Variants in GPAT3 observed in about 807,000 individuals in gnomAD.
GPAT3 encodes the protein glycerol-3-phosphate acyltransferase 3.
Under a neutral mutation model 58.8 loss-of-function variants are expected in GPAT3, and 53 were observed. That is an observed-to-expected ratio of 0.90 (90% CI 0.72 to 1.13). GPAT3 has a LOEUF of 1.13. Among genes scored for constraint, GPAT3 ranks in the 50% most tolerant of loss-of-function variants. The pLI is 0.00. For missense variants in GPAT3, 511 were observed against 527.6 expected (o/e 0.97, Z 0.31); for synonymous variants, 197 against 187.4 (o/e 1.05, Z -0.42).
At chr4:83,544,742 G>C (rs1724443768) in intron 2 of GPAT3, 140 bp downstream of exon 2, 2 of 779,672 alleles carry the variant, frequency 2.6e-6, no homozygotes, top group South Asian at 1.7e-5. Context: ...GTGTAAAATT[G>C]CAGCTGCCAG....
rs541107215 is a variant in GPAT3, at chr4:83,569,200, C to G, written c.209-12362C>G. 1.2e-4 allele frequency among the ~76,000 whole-genome samples: 19 copies of G among 152,238 alleles called. No homozygotes were observed. In the East Asian group the frequency reaches 3.5e-3, roughly 28 times the overall value. ...GCTTAAAGCTTATGCAATTTAGAGG[C>G]CTTCTTTAATAAGGAATACAAAGTG... On this transcript the variant is annotated intron_variant, in intron 2 of 11. Coordinates refer to ENST00000264409, the MANE Select transcript of GPAT3 (RefSeq NM_032717.5).
At chr4:83,603,039 G>T (rs750886483) in intron 11 of GPAT3, among the ~76,000 whole-genome samples, 1 of 152,166 alleles carries the variant, frequency 6.6e-6, no homozygotes, top group African/African-American at 2.4e-5. Context: ...TCTCTGTGGA[G>T]GTCAAGTTCT....
At chr4:83,546,237 G>A (rs865854802) in intron 2 of GPAT3, among the ~76,000 whole-genome samples, 14 of 152,132 alleles carry the variant, frequency 9.2e-5, no homozygotes, top group Middle Eastern at 3.4e-3. Flanking sequence ...CTCCCACCTC[G>A]GCCTCCCAAA....
At chr4:83,568,783 G>A (rs1300765257) in intron 2 of GPAT3, among the ~76,000 whole-genome samples, 2 of 152,048 alleles carry the variant, frequency 1.3e-5, no homozygotes, top group African/African-American at 2.4e-5. Context: ...GGGATTACAG[G>A]TATGAGCCAC....
intron 2 of GPAT3, among the ~76,000 whole-genome samples, chr4:83,576,611 T>G (rs867397801): frequency 9.9e-5 from 15 of 151,980 alleles, no homozygotes; most frequent in African/African-American, 2.7e-4. Context: ...GCCCAGCTAA[T>G]TTTTTAAATT....
rs142172198 is a variant in GPAT3 at position 83,541,672 on chromosome 4, G to A, written c.142-2864G>A. On this transcript the variant is annotated intron_variant, in intron 1 of 11. Coordinates refer to ENST00000264409, the MANE Select transcript of GPAT3 (RefSeq NM_032717.5). ...TTTTGAGCAGATCATGCTATTTGAG[G>A]AATATCACTGTATTAGTTTGCTGGA... Among the ~76,000 whole-genome samples, 362 of 152,238 alleles carry A rather than the reference G, an allele frequency of 2.4e-3. 3 individuals are homozygous for A. Among genetic ancestry groups the A allele is most frequent in the African/African-American group, 8.1e-3 (337 of 41,562 alleles).
chr4:83,569,676 C>T lies in GPAT3; in HGVS notation c.209-11886C>T, dbSNP rs570407853. On this transcript the variant is annotated intron_variant, in intron 2 of 11. Coordinates refer to ENST00000264409, the MANE Select transcript of GPAT3 (RefSeq NM_032717.5). ...AGGGCAGAACGGTCTCCTTGGACAACGTGGACCTGGCTGAACTACAGCACT... is the reference window on the plus strand; with the variant it reads ...AGGGCAGAACGGTCTCCTTGGACAATGTGGACCTGGCTGAACTACAGCACT... Among the ~76,000 whole-genome samples, 35 of 152,312 alleles carry T rather than the reference C, an allele frequency of 2.3e-4. No individual in the cohort carries two copies. The South Asian group carries it at 6.2e-3, about 27-fold the overall frequency.
At chr4:83,598,887 T>A (rs892079358) in intron 11 of GPAT3, among the ~76,000 whole-genome samples, 164 bp downstream of exon 11, 8 of 147,376 alleles carry the variant, frequency 5.4e-5, no homozygotes, top group Non-Finnish European at 7.5e-5. Context: ...CCGCCTGGGC[T>A]CAAGGGATCC....
intron 2 of GPAT3, among the ~76,000 whole-genome samples, chr4:83,546,715 A>G (rs1578161201): frequency 6.6e-6 from 1 of 152,198 alleles, no homozygotes; most frequent in South Asian, 2.1e-4. Flanking sequence ...TGATTAAGAC[A>G]TAGTCCCTGT....
At chr4:83,562,190 T>TATATATATATTATATATATATA (rs1725160898) in intron 2 of GPAT3, among the ~76,000 whole-genome samples, 54 of 87,338 alleles carry the variant, frequency 6.2e-4, no homozygotes, top group African/African-American at 4.5e-3. Flanking sequence ...TATATATATA[T>TATATATATATTATATATATATA]ATATATATAA....
rs1263089210 is a variant in GPAT3 at position 83,604,775 on chromosome 4, G to A, written c.*8G>A. On this transcript the variant is annotated 3_prime_UTR_variant, in exon 12 of 12. Transcript: ENST00000264409. The stretch of plus-strand genomic sequence containing the variant: ...AATGGATCTCTCAGCTAAGAGGACG[G>A]ATGACAGCCTTTAGATCTAGAACTA... 9.9e-6 allele frequency: 16 copies of A among 1,610,476 alleles called. No homozygotes were observed. The East Asian group carries it at 3.6e-4, about 36-fold the overall frequency.
chr4:83,546,281 G>A (rs879923688), intron 2 of GPAT3, among the ~76,000 whole-genome samples: 2 of 152,040 alleles, frequency 1.3e-5, no homozygotes, highest in African/African-American at 4.8e-5. Flanking sequence ...CATTGCACCC[G>A]GCCCAGCCAT....
chr4:83,562,225 AATATATATATAAT>A (rs1560611202), intron 2 of GPAT3, among the ~76,000 whole-genome samples: 11 of 61,418 alleles, frequency 1.8e-4, no homozygotes, highest in African/African-American at 8.6e-4. Context: ...ATATATATAT[AATATATATATAAT>A]ATATATATAT....
At chr4:83,598,308 T>A (rs1398467997) in intron 10 of GPAT3, 129 bp downstream of exon 10, 3 of 1,218,672 alleles carry the variant, frequency 2.5e-6, no homozygotes, top group Non-Finnish European at 3.4e-6. Context: ...TTTTTAATGA[T>A]GTATTTAGCT....
intron 2 of GPAT3, among the ~76,000 whole-genome samples, chr4:83,565,389 C>G (rs1054907643): frequency 6.6e-6 from 1 of 152,152 alleles, no homozygotes; most frequent in Non-Finnish European, 1.5e-5. Context: ...GTGTGAGCCA[C>G]CACGCCCAGC....
At chr4:83,570,500 T>C (rs936821900) in intron 2 of GPAT3, among the ~76,000 whole-genome samples, 4 of 135,488 alleles carry the variant, frequency 3.0e-5, no homozygotes, top group Non-Finnish European at 4.6e-5. Context: ...TGAGACGGAG[T>C]CTTGCTCAGT....
intron 1 of GPAT3, among the ~76,000 whole-genome samples, chr4:83,538,666 A>G (rs1212044294): frequency 6.6e-6 from 1 of 152,236 alleles, no homozygotes; most frequent in Non-Finnish European, 1.5e-5. Context: ...AGTTGCTGTC[A>G]GCCTGGCAAA....
At chr4:83,580,851 C>CT (rs1374153769) in intron 2 of GPAT3, among the ~76,000 whole-genome samples, 1 of 152,074 alleles carries the variant, frequency 6.6e-6, no homozygotes, top group East Asian at 1.9e-4. Flanking sequence ...AATCCCAGCA[C>CT]TTTGGGAGGC....
intron 2 of GPAT3, among the ~76,000 whole-genome samples, chr4:83,568,655 C>T (rs1188466389): frequency 6.6e-6 from 1 of 151,970 alleles, no homozygotes; most frequent in East Asian, 1.9e-4. Flanking sequence ...CTACAGGCAC[C>T]CGCCACCACA....
Sources: gnomAD v4.1 joint callset for allele counts (sites outside exome capture counted in the v4.1 genomes callset) on GRCh38, gnomAD v4.1.1 for gene constraint, MANE v1.5 for transcripts, NCBI Gene and HGNC (gene_info 2026-07-23, HGNC 2026-07-21) for gene names.